Variants in MAF observed in about 807,000 individuals in gnomAD.
MAF encodes transcription factor Maf.
MAF carries 10 observed loss-of-function variants against 22.0 expected under a neutral mutation model. That is an observed-to-expected ratio of 0.45 (90% CI 0.28 to 0.77). The LOEUF is 0.77. Among genes scored for constraint, MAF ranks in the 30% least tolerant of loss-of-function variants. The pLI is 0.12. For missense variants in MAF, 544 were observed against 548.4 expected (o/e 0.99, Z 0.08); for synonymous variants, 337 against 255.8 (o/e 1.32, Z -3.03).
the MAF span, among the ~76,000 whole-genome samples, chr16:79,311,498 A>T: frequency 7.1e-5 from 5 of 70,652 alleles, no homozygotes; most frequent in Non-Finnish European, 1.1e-4. Context: ...TGTTTTCTTT[A>T]AAAAAAAAAA....
chr16:79,584,552 C>G (rs1912725500), downstream of MAF, among the ~76,000 whole-genome samples: 1 of 152,154 alleles, frequency 6.6e-6, no homozygotes. Context: ...CCTTGCCTTT[C>G]AAGTTCATTA....
At chr16:79,487,285 T>C in the MAF span, among the ~76,000 whole-genome samples, 3 of 151,386 alleles carry the variant, frequency 2.0e-5, no homozygotes, top group Admixed American at 1.3e-4. Context: ...ATGATGATAA[T>C]AGTCAGAGTA....
chr16:79,278,477 G>C, the MAF span, among the ~76,000 whole-genome samples: 3 of 152,188 alleles, frequency 2.0e-5, no homozygotes, highest in Admixed American at 2.0e-4. Flanking sequence ...CCTCCGGCTT[G>C]CTTTTCCATC....
the MAF span, among the ~76,000 whole-genome samples, chr16:79,405,437 G>C: frequency 6.6e-6 from 1 of 152,180 alleles, no homozygotes; most frequent in African/African-American, 2.4e-5. Context: ...TATTAGTTGA[G>C]AAAGTAATTT....
At position 79,600,192 on chromosome 16, in the gene MAF, C is replaced by G; in HGVS notation, c.-290G>C. Reference sequence around the variant, plus strand: ...CTCGCCTCCTTGCGCGCCGAGCCGGCGGCTTCAGGCTCGGGAAGATCCTCC... The same window carrying G: ...CTCGCCTCCTTGCGCGCCGAGCCGGGGGCTTCAGGCTCGGGAAGATCCTCC... On this transcript the variant is annotated 5_prime_UTR_variant, in exon 1 of 2. Transcript: ENST00000326043. 2 of 361,816 alleles carry G rather than the reference C, an allele frequency of 5.5e-6. No individual in the cohort carries two copies. Among genetic ancestry groups the G allele is most frequent in the South Asian group, 9.9e-5 (2 of 20,130 alleles). The allele number at this position is 361,816 out of a possible 1,614,324, so 22.4% of individuals were successfully genotyped here. A position where few individuals can be genotyped will look rare whatever the true frequency, so the allele number is the denominator to read the frequency against.
At chr16:79,350,030 A>C in the MAF span, among the ~76,000 whole-genome samples, 1 of 152,184 alleles carries the variant, frequency 6.6e-6, no homozygotes, top group African/African-American at 2.4e-5. Flanking sequence ...GAAGCTCCCC[A>C]GGACTGCCCC....
At chr16:79,470,594 T>G in the MAF span, among the ~76,000 whole-genome samples, 1 of 152,226 alleles carries the variant, frequency 6.6e-6, no homozygotes, top group Admixed American at 6.5e-5. Context: ...GCATATTTTA[T>G]TTAGTTCTCA....
the MAF span, among the ~76,000 whole-genome samples, chr16:79,473,188 A>G: frequency 6.6e-6 from 1 of 152,142 alleles, no homozygotes; most frequent in Non-Finnish European, 1.5e-5. Flanking sequence ...AGGAACAGCC[A>G]CAGGCAGTCA....
the MAF span, among the ~76,000 whole-genome samples, chr16:79,321,809 C>G: frequency 2.6e-5 from 4 of 152,132 alleles, no homozygotes; most frequent in African/African-American, 9.6e-5. Flanking sequence ...CACCACCACA[C>G]CTGGATAAGT....
chr16:79,284,721 T>C, the MAF span, among the ~76,000 whole-genome samples: 1 of 152,242 alleles, frequency 6.6e-6, no homozygotes, highest in African/African-American at 2.4e-5. Flanking sequence ...AACTTTCCAC[T>C]TTAACTTCCG....
the MAF span, among the ~76,000 whole-genome samples, chr16:79,217,809 G>A: frequency 6.6e-6 from 1 of 152,046 alleles, no homozygotes; most frequent in South Asian, 2.1e-4. Flanking sequence ...AGCAATGACT[G>A]AAGGCTGTGG....
the MAF span, among the ~76,000 whole-genome samples, chr16:79,523,279 T>C: frequency 6.6e-6 from 1 of 152,212 alleles, no homozygotes; most frequent in South Asian, 2.1e-4. Context: ...CATATCCTTC[T>C]GTAACTAATT....
At chr16:79,433,400 T>C in the MAF span, among the ~76,000 whole-genome samples, 290 of 151,908 alleles carry the variant, frequency 1.9e-3, 3 homozygotes, top group African/African-American at 6.6e-3. Context: ...ACTGATTGTG[T>C]TGTCTTTTTG....
At chr16:79,433,147 G>A in the MAF span, among the ~76,000 whole-genome samples, 1 of 151,998 alleles carries the variant, frequency 6.6e-6, no homozygotes, top group South Asian at 2.1e-4. Flanking sequence ...CCTGAATTAT[G>A]AAAGCTGTGC....
chr16:79,531,870 G>T, the MAF span, among the ~76,000 whole-genome samples: 2 of 147,318 alleles, frequency 1.4e-5, no homozygotes, highest in Admixed American at 1.3e-4. Flanking sequence ...TAGAAAATAG[G>T]CATCAGTGAG....
the MAF span, among the ~76,000 whole-genome samples, chr16:79,443,239 G>T: frequency 2.0e-5 from 3 of 152,134 alleles, no homozygotes; most frequent in Non-Finnish European, 4.4e-5. Context: ...CTGTTAAACT[G>T]GGACATTTGG....
At chr16:79,370,796 C>A in the MAF span, among the ~76,000 whole-genome samples, 1 of 152,192 alleles carries the variant, frequency 6.6e-6, no homozygotes, top group African/African-American at 2.4e-5. Flanking sequence ...ATCCACCTCC[C>A]AATTTCACCC....
chr16:79,299,347 G>GAAAAAAAAAAAAAAAAAAAAAAA, the MAF span, among the ~76,000 whole-genome samples: 1 of 86,836 alleles, frequency 1.2e-5, no homozygotes, highest in Non-Finnish European at 2.5e-5. Flanking sequence ...CAAAGAAAAA[G>GAAAAAAAAAAAAAAAAAAAAAAA]AAAAAAAAAA....
At chr16:79,217,576 C>G in the MAF span, among the ~76,000 whole-genome samples, 1 of 152,196 alleles carries the variant, frequency 6.6e-6, no homozygotes, top group East Asian at 1.9e-4. Flanking sequence ...TCTGCACCTT[C>G]TCATGGACTC....
Sources: allele counts gnomAD v4.1 joint callset (sites outside exome capture counted in the v4.1 genomes callset), GRCh38; gene constraint gnomAD v4.1.1; transcripts MANE v1.5; gene names NCBI Gene and HGNC (gene_info 2026-07-23, HGNC 2026-07-21).